Variants in CFAP61 observed in about 807,000 individuals in gnomAD.
CFAP61 encodes cilia and flagella associated protein 61, also known as cilia- and flagella-associated protein 61.
In CFAP61, 107 loss-of-function variants were observed where a neutral mutation model predicts 135.6. The observed-to-expected ratio is 0.79, with a 90% CI of 0.67 to 0.93. The LOEUF is 0.93. Among genes scored for constraint, CFAP61 ranks in the 40% least tolerant of loss-of-function variants. The pLI is 0.00. For synonymous variants in CFAP61, 575 were observed against 578.5 expected (o/e 0.99, Z 0.09); for missense variants, 1,507 against 1,556.2 (o/e 0.97, Z 0.53).
At position 20,169,462 on chromosome 20, in the gene CFAP61, TGA is replaced by T; in HGVS notation, c.1385+4_1385+5del. The T allele has an allele frequency of 3.7e-6, 6 of 1,607,178 alleles. No homozygotes were observed. Among genetic ancestry groups the T allele is most frequent in the Non-Finnish European group, 5.1e-6 (6 of 1,175,958 alleles). On this transcript the variant is annotated splice_donor_region_variant and intron_variant, in intron 13 of 26. Coordinates refer to ENST00000245957, the MANE Select transcript of CFAP61 (RefSeq NM_015585.4). ...CTTCCACCGGGCTGGATTGCTCAAG[TGA>T]GTAGACACATGTTTGGCCACACAAC... is the stretch of plus-strand genomic sequence containing the variant.
rs527667655 is a variant in CFAP61, at chr20:20,354,946, C to CAG, written c.3514-5263_3514-5262insGA. Among the ~76,000 whole-genome samples, 940 of 143,210 alleles carry CAG rather than the reference C, an allele frequency of 6.6e-3. 2 individuals carry two copies. The highest frequency in any genetic ancestry group is 0.011 in the African/African-American group (410 of 37,914). The allele number at this position is 143,210 out of a possible 152,430, so 94.0% of individuals were successfully genotyped here. A position where few individuals can be genotyped will look rare whatever the true frequency, so the allele number is the denominator to read the frequency against. The stretch of plus-strand genomic sequence containing the variant: ...GTCACACTGTGAGAGGGGAGGTGGT[C>CAG]ACACTGAGGGGAAGTGGTCACACTG... On this transcript the variant is annotated intron_variant, in intron 26 of 26. Transcript: ENST00000245957.
At chr20:20,117,273 G>A (rs911297855) in intron 8 of CFAP61, among the ~76,000 whole-genome samples, 1 of 152,080 alleles carries the variant, frequency 6.6e-6, no homozygotes, top group Admixed American at 6.6e-5. Context: ...GAAACCAGAG[G>A]GTGGATATTG....
rs533148459 is a variant in CFAP61 at position 20,083,572 on chromosome 20, T to G, written c.567-7272T>G. On this transcript the variant is annotated intron_variant, in intron 6 of 26. Transcript: ENST00000245957. ...GTTTGTAATTACAAACTTTTAACTC[T>G]TAAGGCAATCATTTTAATGAAACAT... 5.9e-4 allele frequency among the ~76,000 whole-genome samples: 90 copies of G among 152,358 alleles called. No homozygotes were observed. In the South Asian group the frequency reaches 0.019, roughly 32 times the overall value.
intron 25 of CFAP61, among the ~76,000 whole-genome samples, chr20:20,311,905 G>A (rs1288010922): frequency 1.3e-5 from 2 of 152,164 alleles, no homozygotes; most frequent in Non-Finnish European, 2.9e-5. Flanking sequence ...GATTAATGAG[G>A]CAATAGGTAG....
chr20:20,162,606 CAAAGA>C (rs973390278), intron 10 of CFAP61, among the ~76,000 whole-genome samples: 3 of 151,942 alleles, frequency 2.0e-5, no homozygotes, highest in Non-Finnish European at 4.4e-5. Flanking sequence ...ACAAAAAAGA[CAAAGA>C]AAAGACCTGG....
chr20:20,077,924 G>GTTAA (rs1281221317), intron 6 of CFAP61, among the ~76,000 whole-genome samples: 1 of 152,214 alleles, frequency 6.6e-6, no homozygotes, highest in African/African-American at 2.4e-5. Flanking sequence ...CTGACTCTTA[G>GTTAA]TTAATTCTCT....
At chr20:20,143,978 G>A (rs937140333) in intron 9 of CFAP61, among the ~76,000 whole-genome samples, 1 of 152,216 alleles carries the variant, frequency 6.6e-6, no homozygotes, top group Admixed American at 6.5e-5. Flanking sequence ...CAGCCAGACT[G>A]GAAAAGCTTA....
chr20:20,170,385 A>G (rs768660615), intron 13 of CFAP61, among the ~76,000 whole-genome samples: 9 of 138,552 alleles, frequency 6.5e-5, no homozygotes, highest in Non-Finnish European at 1.2e-4. Context: ...TATTTAATAT[A>G]TAAAGAGCTT....
chr20:20,206,742 T>C (rs1203671171), intron 17 of CFAP61, among the ~76,000 whole-genome samples: 2 of 152,096 alleles, frequency 1.3e-5, no homozygotes, highest in Non-Finnish European at 2.9e-5. Context: ...TTTTTGGGTA[T>C]ATATATATAC....
intron 9 of CFAP61, among the ~76,000 whole-genome samples, chr20:20,157,785 T>C (rs2146792628): frequency 6.6e-6 from 1 of 152,266 alleles, no homozygotes; most frequent in Middle Eastern, 3.4e-3. Context: ...GTCATCAAAA[T>C]TTAAAACCTT....
intron 8 of CFAP61, among the ~76,000 whole-genome samples, chr20:20,106,094 G>A (rs2048390864): frequency 7.2e-6 from 1 of 138,004 alleles, no homozygotes; most frequent in African/African-American, 2.9e-5. Context: ...CTAAAGCTTT[G>A]CAAGAGATGT....
chr20:20,200,889 C>T (rs2056583280), intron 17 of CFAP61: 23 of 985,086 alleles, frequency 2.3e-5, no homozygotes, highest in Non-Finnish European at 2.8e-5. Flanking sequence ...GGCAGCTTTG[C>T]GGGTGCACTG....
chr20:20,170,177 C>T (rs1271039167), intron 13 of CFAP61, among the ~76,000 whole-genome samples: 4 of 152,214 alleles, frequency 2.6e-5, no homozygotes, highest in East Asian at 1.9e-4. Context: ...GAAAGTAATA[C>T]GGAGTGCTGG....
intron 14 of CFAP61, among the ~76,000 whole-genome samples, chr20:20,188,731 T>C (rs2055693045): frequency 6.6e-6 from 1 of 152,132 alleles, no homozygotes; most frequent in Non-Finnish European, 1.5e-5. Context: ...TTGATACATT[T>C]TATTTTGAAA....
chr20:20,298,871 C>A (rs1461271767), intron 25 of CFAP61, among the ~76,000 whole-genome samples: 3 of 152,156 alleles, frequency 2.0e-5, no homozygotes, highest in Non-Finnish European at 4.4e-5. Flanking sequence ...AAGGGAATTC[C>A]CACACTGACA....
intron 25 of CFAP61, among the ~76,000 whole-genome samples, chr20:20,325,146 C>T (rs1035990501): frequency 1.3e-5 from 2 of 152,168 alleles, no homozygotes; most frequent in African/African-American, 4.8e-5. Context: ...CCCTCCTCCA[C>T]CCCCAGCCAC....
chr20:20,297,007 C>T (rs914146779), intron 24 of CFAP61, among the ~76,000 whole-genome samples: 4 of 152,076 alleles, frequency 2.6e-5, no homozygotes, highest in African/African-American at 9.7e-5. Context: ...CACCATCCCC[C>T]AACCCCACTT....
intron 26 of CFAP61, among the ~76,000 whole-genome samples, chr20:20,348,927 A>G (rs1448105122): frequency 6.6e-6 from 1 of 152,150 alleles, no homozygotes; most frequent in African/African-American, 2.4e-5. Flanking sequence ...TATCCCTGAG[A>G]TCTGGAATAA....
intron 25 of CFAP61, among the ~76,000 whole-genome samples, chr20:20,305,340 T>C (rs2122167071): frequency 6.6e-6 from 1 of 152,364 alleles, no homozygotes; most frequent in African/African-American, 2.4e-5. Context: ...GGCCCCCTAA[T>C]TTATTGATTT....
Sources: gnomAD v4.1 joint callset for allele counts (sites outside exome capture counted in the v4.1 genomes callset) on GRCh38, gnomAD v4.1.1 for gene constraint, MANE v1.5 for transcripts, NCBI Gene and HGNC (gene_info 2026-07-23, HGNC 2026-07-21) for gene names.